The following VWC2 variants were observed in gnomAD, a reference collection of about 807,000 sequenced individuals.
VWC2 encodes the protein brorin.
Under a neutral mutation model 29.8 loss-of-function variants are expected in VWC2, and 14 were observed. The ratio of observed to expected loss-of-function variants is 0.47; its 90% CI spans 0.31 to 0.74. The LOEUF (loss-of-function observed/expected upper bound fraction) is 0.74, where lower values mean the gene tolerates loss of function less well. VWC2 is among the 30% of genes least tolerant of loss of function. The pLI, the probability that VWC2 is intolerant of heterozygous loss-of-function variation, is 0.05. For missense variants in VWC2, 457 were observed against 459.8 expected, an observed-to-expected ratio of 0.99 and a Z score of 0.05; for synonymous variants, 213 against 199.0, an observed-to-expected ratio of 1.07 and a Z score of -0.59.
chr7:49,917,751 G>A lies in VWC2; in HGVS notation c.*5566G>A, dbSNP rs1458585980. ...TGTATTTAGATGATTAATATTTAAT[G>A]ATCATTATTTTATTTAATGATTAAT... On this transcript the variant is annotated 3_prime_UTR_variant, in exon 4 of 4. Coordinates refer to ENST00000340652, the MANE Select transcript of VWC2 (RefSeq NM_198570.5). The A allele has an allele frequency of 6.6e-6, 1 of 151,920 alleles. No homozygotes were observed. Among genetic ancestry groups the A allele is most frequent in the African/African-American group, 2.4e-5 (1 of 41,372 alleles). The allele number at this position is 151,920 out of a possible 1,614,324, so 9.4% of individuals were successfully genotyped here. A position where few individuals can be genotyped will look rare whatever the true frequency, so the allele number is the denominator to read the frequency against.
intron 3 of VWC2, among the ~76,000 whole-genome samples, chr7:49,895,776 G>A (rs1792359095): frequency 6.6e-6 from 1 of 151,844 alleles, no homozygotes; most frequent in South Asian, 2.1e-4. Flanking sequence ...AAATTAAGTA[G>A]CATATAAATA....
chr7:49,813,444 G>A (rs1428709036), intron 3 of VWC2, among the ~76,000 whole-genome samples: 1 of 152,340 alleles, frequency 6.6e-6, no homozygotes, highest in African/African-American at 2.4e-5. Flanking sequence ...GTGTGCTTCT[G>A]TTGCTGCTGG....
At chr7:49,812,351 A>G (rs995255121) in intron 3 of VWC2, among the ~76,000 whole-genome samples, 2 of 152,198 alleles carry the variant, frequency 1.3e-5, no homozygotes, top group African/African-American at 2.4e-5. Flanking sequence ...CCTCTTAACA[A>G]AGATAGGCAA....
intron 2 of VWC2, among the ~76,000 whole-genome samples, chr7:49,779,812 T>G (rs1788135453): frequency 6.6e-6 from 1 of 152,222 alleles, no homozygotes; most frequent in Non-Finnish European, 1.5e-5. Context: ...TTCCGAGGCC[T>G]CTCTCCTTGG....
chr7:49,791,735 G>A (rs950858306), intron 2 of VWC2, among the ~76,000 whole-genome samples: 9 of 151,996 alleles, frequency 5.9e-5, no homozygotes, highest in African/African-American at 2.2e-4. Context: ...CTCCTCCCTC[G>A]GGTCCTTCTT....
intron 2 of VWC2, among the ~76,000 whole-genome samples, chr7:49,797,382 C>G (rs1388267352): frequency 6.6e-6 from 1 of 152,200 alleles, no homozygotes; most frequent in African/African-American, 2.4e-5. Context: ...CCTGGAATTA[C>G]TCTCTAGCCT....
intron 3 of VWC2, among the ~76,000 whole-genome samples, chr7:49,844,274 A>G (rs944335673): frequency 2.0e-5 from 3 of 152,178 alleles, no homozygotes; most frequent in Non-Finnish European, 2.9e-5. Context: ...CGTCGATTCT[A>G]TCCTCTCAAC....
chr7:49,821,329 A>C (rs1276622759), intron 3 of VWC2, among the ~76,000 whole-genome samples: 1 of 152,240 alleles, frequency 6.6e-6, no homozygotes, highest in Non-Finnish European at 1.5e-5. Flanking sequence ...TTCAAAAGTT[A>C]ATAGTTACAG....
chr7:49,859,653 T>C (rs2128719691), intron 3 of VWC2, among the ~76,000 whole-genome samples: 1 of 152,386 alleles, frequency 6.6e-6, no homozygotes, highest in African/African-American at 2.4e-5. Context: ...AATACTGTGC[T>C]CTCTAAAGTG....
intron 2 of VWC2, among the ~76,000 whole-genome samples, chr7:49,784,646 GA>G (rs984769852): frequency 6.6e-6 from 1 of 152,242 alleles, no homozygotes; most frequent in African/African-American, 2.4e-5. Context: ...GTCCAGAGGA[GA>G]AAGAAATGTT....
At chr7:49,832,643 G>C (rs1383574852) in intron 3 of VWC2, among the ~76,000 whole-genome samples, 1 of 152,116 alleles carries the variant, frequency 6.6e-6, no homozygotes. Flanking sequence ...CTTCTGTTTG[G>C]TTCCATGGCA....
At chr7:49,783,834 G>C (rs1183399807) in intron 2 of VWC2, among the ~76,000 whole-genome samples, 1 of 151,960 alleles carries the variant, frequency 6.6e-6, no homozygotes, top group Non-Finnish European at 1.5e-5. Flanking sequence ...AGGATCACTT[G>C]AGCCCAGGAG....
chr7:49,915,788 T>C lies in VWC2; in HGVS notation c.*3603T>C, dbSNP rs1793691035. The C allele has an allele frequency of 6.6e-6, 1 of 152,220 alleles. No individual in the cohort carries two copies. Among genetic ancestry groups the C allele is most frequent in the African/African-American group, 2.4e-5 (1 of 41,450 alleles). The allele number at this position is 152,220 out of a possible 1,614,324, so 9.4% of individuals were successfully genotyped here. Reference sequence around the variant, plus strand: ...TCCTACTTTTCATTGTTATTTTTAATATCATATTTTTCCCCAACATAATGT... The same window carrying C: ...TCCTACTTTTCATTGTTATTTTTAACATCATATTTTTCCCCAACATAATGT... On this transcript the variant is annotated 3_prime_UTR_variant, in exon 4 of 4. Coordinates refer to ENST00000340652, the MANE Select transcript of VWC2 (RefSeq NM_198570.5).
intron 3 of VWC2, among the ~76,000 whole-genome samples, chr7:49,889,456 C>T (rs1171152086): frequency 6.6e-6 from 1 of 152,152 alleles, no homozygotes; most frequent in Non-Finnish European, 1.5e-5. Flanking sequence ...GGAAGAAATG[C>T]ATGAGAGGCA....
intron 2 of VWC2, among the ~76,000 whole-genome samples, chr7:49,786,219 A>G (rs190587514): frequency 6.6e-6 from 1 of 152,326 alleles, no homozygotes; most frequent in African/African-American, 2.4e-5. Context: ...CCACTTATAA[A>G]TGAAAACATG....
chr7:49,887,182 C>T (rs1214536180), intron 3 of VWC2, among the ~76,000 whole-genome samples: 1 of 152,164 alleles, frequency 6.6e-6, no homozygotes, highest in Non-Finnish European at 1.5e-5. Flanking sequence ...GGATTTCCCC[C>T]CCAATCTCAA....
chr7:49,812,222 G>C (rs1209700930), intron 3 of VWC2, among the ~76,000 whole-genome samples: 2 of 152,262 alleles, frequency 1.3e-5, no homozygotes, highest in East Asian at 3.9e-4. Flanking sequence ...TATTAATTGA[G>C]TTGTTAGGTG....
intron 3 of VWC2, among the ~76,000 whole-genome samples, chr7:49,858,827 A>AT (rs1790534582): frequency 6.6e-6 from 1 of 152,216 alleles, no homozygotes; most frequent in Non-Finnish European, 1.5e-5. Flanking sequence ...TGTTTATAAA[A>AT]TTCATACAGA....
Position 49,773,883 on chromosome 7 carries a change from T to G in VWC2, c.-334T>G, listed in dbSNP as rs1787991202. 6.6e-6 allele frequency: 1 copy of G among 151,922 alleles called. No homozygotes were observed. Among genetic ancestry groups the G allele is most frequent in the Non-Finnish European group, 1.5e-5 (1 of 68,076 alleles). 9.4% of individuals were successfully genotyped at this position (151,922 alleles called of 1,614,324 possible). ...AGGGCGACGCGGGCACTGACGCGAGTTGGGGCCGCGACTACCGGCAGCTGA... is the reference window on the plus strand; with the variant it reads ...AGGGCGACGCGGGCACTGACGCGAGGTGGGGCCGCGACTACCGGCAGCTGA... On this transcript the variant is annotated 5_prime_UTR_variant, in exon 1 of 4. Coordinates refer to ENST00000340652, the MANE Select transcript of VWC2 (RefSeq NM_198570.5).
Sources: gnomAD v4.1 joint callset for allele counts (sites outside exome capture counted in the v4.1 genomes callset) on GRCh38, gnomAD v4.1.1 for gene constraint, MANE v1.5 for transcripts, NCBI Gene and HGNC (gene_info 2026-07-23, HGNC 2026-07-21) for gene names.